The following PPP1R1C variants were observed in gnomAD, a reference collection of about 807,000 sequenced individuals.
The protein encoded by PPP1R1C is protein phosphatase 1 regulatory inhibitor subunit 1C.
PPP1R1C carries 15 observed loss-of-function variants against 17.4 expected under a neutral mutation model. That is an observed-to-expected ratio of 0.86 (90% confidence interval 0.58 to 1.33). The LOEUF is 1.33. Among genes scored for constraint, PPP1R1C ranks in the 40% most tolerant of loss-of-function variants. PPP1R1C has a pLI of 0.00. For missense variants in PPP1R1C, 143 were observed against 130.0 expected (o/e 1.10, Z -0.48); for synonymous variants, 35 against 43.1 (o/e 0.81, Z 0.73).
chr2:182,125,061 A>G (rs1689841684), intron 5 of PPP1R1C, among the ~76,000 whole-genome samples: 1 of 152,150 alleles, frequency 6.6e-6, no homozygotes, highest in Admixed American at 6.5e-5. Flanking sequence ...TATTATTTTG[A>G]GATAAGTTCC....
At chr2:182,039,592 C>T in intron 2 of PPP1R1C, among the ~76,000 whole-genome samples, 1 of 152,108 alleles carries the variant, frequency 6.6e-6, no homozygotes, top group East Asian at 1.9e-4. Context: ...ATTATTTTGC[C>T]CAAGCTGGTC....
intron 4 of PPP1R1C, among the ~76,000 whole-genome samples, chr2:182,099,711 C>T (rs1689043242): frequency 6.6e-6 from 1 of 152,124 alleles, no homozygotes; most frequent in South Asian, 2.1e-4. Context: ...GCTATGTTTC[C>T]CTAGAGACTT....
At chr2:182,121,865 T>C (rs1689741526), downstream of PPP1R1C, among the ~76,000 whole-genome samples, 1 of 152,170 alleles carries the variant, frequency 6.6e-6, no homozygotes, top group Non-Finnish European at 1.5e-5. Context: ...TGTTCTTCTA[T>C]GTGTTAAACT....
intron 4 of PPP1R1C, among the ~76,000 whole-genome samples, chr2:182,074,488 A>G: frequency 6.6e-6 from 1 of 152,144 alleles, no homozygotes; most frequent in South Asian, 2.1e-4. Flanking sequence ...TATGACTTTG[A>G]TATGCCAAAA....
intron 4 of PPP1R1C, among the ~76,000 whole-genome samples, chr2:182,108,468 A>C (rs1689320362): frequency 6.6e-6 from 1 of 151,826 alleles, no homozygotes; most frequent in Non-Finnish European, 1.5e-5. Context: ...TTTCTCGGGG[A>C]TCTTCAACTG....
intron 4 of PPP1R1C, among the ~76,000 whole-genome samples, chr2:182,082,492 G>T (rs767316535): frequency 4.6e-5 from 7 of 152,112 alleles, no homozygotes; most frequent in South Asian, 2.1e-4. Context: ...CTGAGTTTCT[G>T]CTTGGCCTGG....
At chr2:182,079,183 A>G (rs1688401242) in intron 4 of PPP1R1C, among the ~76,000 whole-genome samples, 1 of 152,240 alleles carries the variant, frequency 6.6e-6, no homozygotes, top group Admixed American at 6.5e-5. Flanking sequence ...AATGAGTTGT[A>G]GAGGTTGTCA....
At chr2:182,102,677 A>G (rs1011157319) in intron 4 of PPP1R1C, among the ~76,000 whole-genome samples, 2 of 152,216 alleles carry the variant, frequency 1.3e-5, no homozygotes, top group Admixed American at 6.5e-5. Flanking sequence ...TTGAAAATAC[A>G]TCAATTTTAT....
rs935641588 is a variant in PPP1R1C, at chr2:181,957,247, C to G, written n.111+2613C>G. Among the ~76,000 whole-genome samples, 1 of 152,170 alleles carries G rather than the reference C, an allele frequency of 6.6e-6. No homozygotes were observed. Among genetic ancestry groups the G allele is most frequent in the Non-Finnish European group, 1.5e-5 (1 of 68,018 alleles). On this transcript the variant is annotated intron_variant and non_coding_transcript_variant, in intron 1 of 5. Transcript: ENST00000464264. This position sits in a 1 kb window ranked among gnomAD's most constrained non-coding sequence, Gnocchi z 4.2. ...TGGTAGTGCACCCCTGTAATCCCAG[C>G]TATTCAGGAGGCTGAGGCAGAATTG... is the stretch of plus-strand genomic sequence containing the variant.
At chr2:182,121,179 T>C (rs1689724840), downstream of PPP1R1C, among the ~76,000 whole-genome samples, 1 of 152,040 alleles carries the variant, frequency 6.6e-6, no homozygotes, top group African/African-American at 2.4e-5. Flanking sequence ...ATATAATTGT[T>C]TGTAGCTGGA....
rs562481010 is a variant in PPP1R1C, at chr2:181,992,391, C to T, written c.142+4492C>T. 9.6e-5 allele frequency among the ~76,000 whole-genome samples: 13 copies of T among 134,750 alleles called. 4 individuals are homozygous for T. Among genetic ancestry groups the T allele is most frequent in the South Asian group, 2.5e-4 (1 of 4,034 alleles). 88.4% of individuals were successfully genotyped at this position (134,750 alleles called of 152,430 possible). ...CCTAAGGGCTTTAATAAACTCTATC[C>T]GAATTCTCCCTATTGCTCTGCCTTT... On this transcript the variant is annotated intron_variant, in intron 2 of 4. Transcript: ENST00000682840.
chr2:182,054,196 A>G (rs1687614073), intron 2 of PPP1R1C, among the ~76,000 whole-genome samples: 1 of 152,226 alleles, frequency 6.6e-6, no homozygotes, highest in Non-Finnish European at 1.5e-5. Flanking sequence ...TTTGGAAATA[A>G]AAGATTCACA....
intron 4 of PPP1R1C, among the ~76,000 whole-genome samples, chr2:182,070,834 A>G (rs1184994106): frequency 6.6e-6 from 1 of 152,228 alleles, no homozygotes; most frequent in African/African-American, 2.4e-5. Context: ...ACTTGCAGTC[A>G]TGGCAGAAGG....
intron 2 of PPP1R1C, among the ~76,000 whole-genome samples, chr2:182,032,610 G>T (rs1182106725): frequency 1.3e-5 from 2 of 152,122 alleles, no homozygotes; most frequent in Non-Finnish European, 2.9e-5. Flanking sequence ...CATTCGTGCT[G>T]AAAGGCAGTA....
chr2:182,038,568 T>C (rs190903714), intron 2 of PPP1R1C, among the ~76,000 whole-genome samples: 1 of 152,304 alleles, frequency 6.6e-6, no homozygotes, highest in East Asian at 1.9e-4. Flanking sequence ...TGACAAGCCA[T>C]TTAGATAGGT....
intron 5 of PPP1R1C, among the ~76,000 whole-genome samples, chr2:182,123,739 G>T (rs1689795867): frequency 6.6e-6 from 1 of 152,122 alleles, no homozygotes; most frequent in African/African-American, 2.4e-5. Flanking sequence ...GTTCCTTATA[G>T]ATTCTGGATA....
At chr2:181,999,292 C>A (rs2125147985) in intron 2 of PPP1R1C, among the ~76,000 whole-genome samples, 1 of 152,248 alleles carries the variant, frequency 6.6e-6, no homozygotes, top group South Asian at 2.1e-4. Flanking sequence ...AGAAATGTAT[C>A]TTACTTTTGG....
chr2:181,959,298 C>A (rs1684725374), intron 1 of PPP1R1C, among the ~76,000 whole-genome samples: 1 of 152,104 alleles, frequency 6.6e-6, no homozygotes, highest in African/African-American at 2.4e-5. Flanking sequence ...AACTACTCTC[C>A]CCACACATAT....
Position 182,117,287 on chromosome 2 carries a change from G to A in PPP1R1C, c.322G>A (p.Asp108Asn). Residue 108 changes from aspartate to asparagine, a missense_variant, in exon 5 of 5, where the codon GAC becomes AAC. Transcript: ENST00000682840. ...CACCAATGAAAGAGAGGAGCAGCGG[G>A]ACCATTAATTACTGGTCTGCAGCAA... Reference protein sequence around the residue: ...EGTNEREEQRDH With the variant: ...EGTNEREEQRNH 6.4e-7 allele frequency: 1 copy of A among 1,555,676 alleles called. No homozygotes were observed. The highest frequency in any genetic ancestry group is 2.4e-5 in the East Asian group (1 of 41,430).
Sources: gnomAD v4.1 joint callset for allele counts (sites outside exome capture counted in the v4.1 genomes callset) on GRCh38, gnomAD v4.1.1 for gene constraint, Gnocchi (gnomAD v3.1) non-coding constraint, MANE v1.5 for transcripts, NCBI Gene and HGNC (gene_info 2026-07-23, HGNC 2026-07-21) for gene names.